ARHGAP44: variants seen among roughly 807,000 people sequenced by gnomAD.
ARHGAP44 encodes rho GTPase-activating protein 44.
A neutral mutation model predicts 106.8 loss-of-function variants in ARHGAP44; 43 were observed. That is an observed-to-expected ratio of 0.40 (90% CI 0.32 to 0.52). The LOEUF (loss-of-function observed/expected upper bound fraction) is 0.52. ARHGAP44 is among the 20% of genes least tolerant of loss of function. The pLI is 0.48. For synonymous variants in ARHGAP44, 439 were observed against 410.3 expected (o/e 1.07, Z -0.85); for missense variants, 866 against 1,050.5 (o/e 0.82, Z 2.43).
chr17:12,793,048 G>C (rs548159724), intron 1 of ARHGAP44, among the ~76,000 whole-genome samples: 1 of 152,190 alleles, frequency 6.6e-6, no homozygotes, highest in African/African-American at 2.4e-5. Flanking sequence ...TGTGCCTCAT[G>C]GTTAGGAGCA....
At chr17:12,858,186 A>T (rs548491079) in intron 1 of ARHGAP44, among the ~76,000 whole-genome samples, 2 of 152,326 alleles carry the variant, frequency 1.3e-5, no homozygotes, top group South Asian at 4.1e-4. Context: ...AGTTCCAACC[A>T]CGTCTGCTAT....
chr17:12,965,987 TACAA>T (rs2039381002), intron 16 of ARHGAP44, among the ~76,000 whole-genome samples: 1 of 152,068 alleles, frequency 6.6e-6, no homozygotes, highest in Non-Finnish European at 1.5e-5. Flanking sequence ...ACATCATCTA[TACAA>T]ACAATTTTTA....
At position 12,862,367 on chromosome 17, in the gene ARHGAP44, T is replaced by C. The variant is rs188466930; in HGVS notation, c.54-32573T>C. ...ACGTTTTAGTCATTGAGTCAATCAA[T>C]TGACTGCCACCATCATTACATGTGT... is the stretch of plus-strand genomic sequence containing the variant. On this transcript the variant is annotated intron_variant, in intron 1 of 20. Coordinates refer to ENST00000379672, the MANE Select transcript of ARHGAP44 (RefSeq NM_014859.6). 2.6e-5 allele frequency among the ~76,000 whole-genome samples: 4 copies of C among 152,296 alleles called. No individual in the cohort carries two copies. The East Asian group carries it at 7.7e-4, about 29-fold the overall frequency.
intron 1 of ARHGAP44, among the ~76,000 whole-genome samples, chr17:12,808,316 G>A (rs2034338708): frequency 6.6e-6 from 1 of 152,202 alleles, no homozygotes; most frequent in Non-Finnish European, 1.5e-5. Flanking sequence ...GTGCCCCAGT[G>A]GGCACTCTGT....
chr17:12,903,118 GAGAGAGA>G (rs2037432028), intron 3 of ARHGAP44, among the ~76,000 whole-genome samples: 2 of 82,340 alleles, frequency 2.4e-5, no homozygotes, highest in African/African-American at 5.5e-5. Context: ...GAGAGAGAGA[GAGAGAGA>G]GGAGAGAGAG....
At chr17:12,976,612 CAAAAAA>C (rs59099893) in intron 18 of ARHGAP44, among the ~76,000 whole-genome samples, 56 of 85,086 alleles carry the variant, frequency 6.6e-4, no homozygotes, top group African/African-American at 2.2e-3. Context: ...GACTCTGTGT[CAAAAAA>C]AAAAAAAAAA....
chr17:12,896,604 T>A, intron 3 of ARHGAP44, 93 bp downstream of exon 3: 1 of 1,107,538 alleles, frequency 9.0e-7, no homozygotes, highest in Non-Finnish European at 1.3e-6. Context: ...GCTGTTTATG[T>A]AGCTGCTTAC....
chr17:12,974,430 G>C (rs2039619223), intron 18 of ARHGAP44, 120 bp downstream of exon 18: 2 of 899,258 alleles, frequency 2.2e-6, no homozygotes, highest in Non-Finnish European at 3.1e-6. Context: ...CCATTTCTAA[G>C]CATTCATATT....
At position 12,991,195 on chromosome 17, in the gene ARHGAP44, CG is replaced by C. The variant is rs2040131929; in HGVS notation, c.*1027del. On this transcript the variant is annotated 3_prime_UTR_variant, in exon 21 of 21. Coordinates refer to ENST00000379672, the MANE Select transcript of ARHGAP44 (RefSeq NM_014859.6). ...CCCATCTGGTCATGGGGACGAGGGC[CG>C]GGAGGGCACCGGGTAGCCTTTTCAC... 1 of 152,506 alleles carries C rather than the reference CG, an allele frequency of 6.6e-6. No homozygotes were observed. The highest frequency in any genetic ancestry group is 2.4e-5 in the African/African-American group (1 of 41,412). 9.4% of individuals were successfully genotyped at this position (152,506 alleles called of 1,614,324 possible).
At chr17:12,828,350 T>C (rs1344108473) in intron 1 of ARHGAP44, among the ~76,000 whole-genome samples, 2 of 152,154 alleles carry the variant, frequency 1.3e-5, no homozygotes, top group African/African-American at 4.8e-5. Flanking sequence ...AGAGATACTT[T>C]ATCAAGCCTA....
intron 1 of ARHGAP44, among the ~76,000 whole-genome samples, chr17:12,798,951 C>T (rs1188222661): frequency 6.6e-6 from 1 of 152,112 alleles, no homozygotes; most frequent in Non-Finnish European, 1.5e-5. Flanking sequence ...GAAAAGCATT[C>T]ATTATACTAT....
At position 12,915,885 on chromosome 17, in the gene ARHGAP44, C is replaced by T. The variant is rs2037895545; in HGVS notation, c.276-15C>T. Reference sequence around the variant, plus strand: ...TTCAAGAGTATTCACTATTTCTTTCCCCCTTGGATTACAGGAAGATGCTGA... The same window carrying T: ...TTCAAGAGTATTCACTATTTCTTTCTCCCTTGGATTACAGGAAGATGCTGA... On this transcript the variant is annotated splice_polypyrimidine_tract_variant and intron_variant, in intron 4 of 20. Transcript: ENST00000379672. The T allele has an allele frequency of 6.2e-7, 1 of 1,608,538 alleles. No individual in the cohort carries two copies. The highest frequency in any genetic ancestry group is 1.3e-5 in the African/African-American group (1 of 74,928).
At chr17:12,973,648 T>TCCC (rs199821124) in intron 17 of ARHGAP44, 10 of 483,004 alleles carry the variant, frequency 2.1e-5, no homozygotes, top group African/African-American at 1.2e-4. Context: ...AGTTCCACGC[T>TCCC]CCCCCCTTCG....
intron 13 of ARHGAP44, 139 bp downstream of exon 13, chr17:12,952,720 CTCTTTTTTTTTTT>C: frequency 3.0e-6 from 1 of 331,168 alleles, no homozygotes. Context: ...CATGCATGGT[CTCTTTTTTTTTTT>C]TTTTTTTTTT....
chr17:12,828,877 G>A (rs1171432036), intron 1 of ARHGAP44, among the ~76,000 whole-genome samples: 2 of 151,768 alleles, frequency 1.3e-5, no homozygotes, highest in South Asian at 2.1e-4. Context: ...TCCTGACCTC[G>A]TGATCCGCCC....
At chr17:12,978,565 C>G (rs1309055839) in intron 18 of ARHGAP44, among the ~76,000 whole-genome samples, 1 of 151,924 alleles carries the variant, frequency 6.6e-6, no homozygotes, top group East Asian at 1.9e-4. Flanking sequence ...CCCAGTCTTT[C>G]TCACCTCAGT....
chr17:12,887,666 G>T (rs573579851), intron 1 of ARHGAP44, among the ~76,000 whole-genome samples: 1 of 152,014 alleles, frequency 6.6e-6, no homozygotes, highest in African/African-American at 2.4e-5. Context: ...ATTGAGAAGC[G>T]TTCCTTCTTT....
In ARHGAP44 at chr17:12,958,595, AT is replaced by A. The variant is rs2143172990; in HGVS notation, c.1343-121del. On this transcript the variant is annotated intron_variant, in intron 15 of 20. Coordinates refer to ENST00000379672, the MANE Select transcript of ARHGAP44 (RefSeq NM_014859.6). This position sits in a 1 kb window ranked among gnomAD's most constrained non-coding sequence, Gnocchi z 4.1. ...ATGCATTATATTAATAAGGTGAACC[AT>A]GGGATGAAATTTTCTAGGGATGACA... The A allele has an allele frequency of 6.5e-6, 6 of 928,264 alleles. No individual in the cohort carries two copies. The East Asian group carries it at 1.6e-4, about 25-fold the overall frequency. The allele number at this position is 928,264 out of a possible 1,614,324, so 57.5% of individuals were successfully genotyped here.
chr17:12,964,807 G>A (rs2039351457), intron 16 of ARHGAP44, among the ~76,000 whole-genome samples: 2 of 151,954 alleles, frequency 1.3e-5, no homozygotes, highest in Non-Finnish European at 1.5e-5. Flanking sequence ...GAATAGAAGC[G>A]ACATGGGTAA....
Sources: gnomAD v4.1 joint callset for allele counts (sites outside exome capture counted in the v4.1 genomes callset) on GRCh38, gnomAD v4.1.1 for gene constraint, Gnocchi (gnomAD v3.1) non-coding constraint, MANE v1.5 for transcripts, NCBI Gene and HGNC (gene_info 2026-07-23, HGNC 2026-07-21) for gene names.